The following LHFPL6 variants were observed in gnomAD, a reference collection of about 807,000 sequenced individuals.
The protein encoded by LHFPL6 is LHFPL tetraspan subfamily member 6, also known as LHFPL tetraspan subfamily member 6 protein.
In LHFPL6, 9 loss-of-function variants were observed where a neutral mutation model predicts 20.6. The ratio of observed to expected loss-of-function variants is 0.44; its 90% confidence interval spans 0.26 to 0.76. The LOEUF is 0.76. Among genes scored for constraint, LHFPL6 ranks in the 30% least tolerant of loss-of-function variants. LHFPL6 has a pLI of 0.20. For synonymous variants in LHFPL6, 105 were observed against 98.7 expected (o/e 1.06, Z -0.38); for missense variants, 218 against 253.5 (o/e 0.86, Z 0.95).
At chr13:39,502,366 C>T (rs1308545495) in intron 2 of LHFPL6, among the ~76,000 whole-genome samples, 2 of 152,002 alleles carry the variant, frequency 1.3e-5, no homozygotes, top group African/African-American at 2.4e-5. Context: ...CACCTGTAAT[C>T]GCAGCACTTT....
chr13:39,495,232 A>G (rs1869059531), intron 2 of LHFPL6, among the ~76,000 whole-genome samples: 1 of 152,198 alleles, frequency 6.6e-6, no homozygotes, highest in South Asian at 2.1e-4. Flanking sequence ...TTAACATGAA[A>G]ATATGCCTCA....
At chr13:39,368,461 AG>A (rs1214285276) in intron 3 of LHFPL6, among the ~76,000 whole-genome samples, 1 of 152,218 alleles carries the variant, frequency 6.6e-6, no homozygotes, top group African/African-American at 2.4e-5. Context: ...GCACGCCTGT[AG>A]TCCCAGCAAC....
At chr13:39,583,407 T>C (rs1384900130) in intron 2 of LHFPL6, among the ~76,000 whole-genome samples, 11 of 152,122 alleles carry the variant, frequency 7.2e-5, no homozygotes, top group Non-Finnish European at 1.0e-4. Flanking sequence ...ACTCCTGGGC[T>C]CAAGCAATTC....
chr13:39,541,670 T>G (rs143777013), intron 2 of LHFPL6, among the ~76,000 whole-genome samples: 145 of 152,332 alleles, frequency 9.5e-4, no homozygotes, highest in African/African-American at 3.0e-3. Flanking sequence ...CCCTTTCTTT[T>G]TCTATGTGTC....
chr13:39,437,201 TG>T (rs1180024271), intron 2 of LHFPL6, among the ~76,000 whole-genome samples: 9 of 152,214 alleles, frequency 5.9e-5, no homozygotes, highest in Non-Finnish European at 1.5e-5. Context: ...ATCATTATAA[TG>T]GGTAATGAAT....
intron 2 of LHFPL6, among the ~76,000 whole-genome samples, chr13:39,590,223 G>A (rs748997196): frequency 6.6e-5 from 10 of 152,276 alleles, no homozygotes; most frequent in Non-Finnish European, 1.5e-4. Flanking sequence ...AAGTTCTACA[G>A]ATCAAGGGTC....
intron 2 of LHFPL6, among the ~76,000 whole-genome samples, chr13:39,550,324 G>C (rs575745852): frequency 2.0e-4 from 31 of 152,114 alleles, no homozygotes; most frequent in African/African-American, 7.0e-4. Flanking sequence ...TTATATCTTG[G>C]TTGTGGTGGG....
chr13:39,422,098 GT>G (rs1181085490), intron 2 of LHFPL6, among the ~76,000 whole-genome samples: 1 of 152,092 alleles, frequency 6.6e-6, no homozygotes, highest in African/African-American at 2.4e-5. Context: ...TTATTTCATT[GT>G]ATTGCATTTA....
intron 2 of LHFPL6, among the ~76,000 whole-genome samples, chr13:39,570,659 G>A (rs2138530063): frequency 6.6e-6 from 1 of 152,052 alleles, no homozygotes; most frequent in African/African-American, 2.4e-5. Context: ...ATTACCATTT[G>A]CAGCAACAAT....
chr13:39,441,868 C>T (rs1013736037), intron 2 of LHFPL6, among the ~76,000 whole-genome samples: 9 of 128,248 alleles, frequency 7.0e-5, no homozygotes, highest in African/African-American at 2.4e-4. Context: ...TCACTCTTGT[C>T]GCCTGGACTG....
chr13:39,555,804 A>G (rs1871287113), intron 2 of LHFPL6, among the ~76,000 whole-genome samples: 1 of 152,236 alleles, frequency 6.6e-6, no homozygotes. Flanking sequence ...CCATCCATAC[A>G]TGATATGGTT....
At chr13:39,410,220 C>A (rs1871214737) in intron 2 of LHFPL6, among the ~76,000 whole-genome samples, 1 of 152,180 alleles carries the variant, frequency 6.6e-6, no homozygotes, top group Admixed American at 6.5e-5. Context: ...AACTCTTTCA[C>A]AACAGTTCAA....
At chr13:39,565,367 C>T (rs1424462223) in intron 2 of LHFPL6, among the ~76,000 whole-genome samples, 1 of 152,086 alleles carries the variant, frequency 6.6e-6, no homozygotes, top group African/African-American at 2.4e-5. Flanking sequence ...AAGTTTACTG[C>T]AAATTACATA....
At chr13:39,411,139 G>T (rs892893391) in intron 2 of LHFPL6, among the ~76,000 whole-genome samples, 1 of 152,132 alleles carries the variant, frequency 6.6e-6, no homozygotes, top group African/African-American at 2.4e-5. Context: ...ATTCCTGGGG[G>T]CAGTGAGTTG....
At chr13:39,537,322 T>C (rs1870652197) in intron 2 of LHFPL6, among the ~76,000 whole-genome samples, 1 of 152,144 alleles carries the variant, frequency 6.6e-6, no homozygotes, top group Non-Finnish European at 1.5e-5. Flanking sequence ...CACAAGTTTA[T>C]GAACCAAGGA....
chr13:39,533,209 G>T (rs1368539605), intron 2 of LHFPL6, among the ~76,000 whole-genome samples: 1 of 152,190 alleles, frequency 6.6e-6, no homozygotes, highest in Non-Finnish European at 1.5e-5. Flanking sequence ...CCATATCTGG[G>T]TATGTGGGTA....
At chr13:39,526,167 G>T (rs999382954) in intron 2 of LHFPL6, among the ~76,000 whole-genome samples, 9 of 152,192 alleles carry the variant, frequency 5.9e-5, no homozygotes, top group Admixed American at 5.9e-4. Context: ...TATATTGACT[G>T]ATGTAAGCCC....
chr13:39,467,239 C>A (rs1441831767), intron 2 of LHFPL6, among the ~76,000 whole-genome samples: 1 of 152,172 alleles, frequency 6.6e-6, no homozygotes, highest in Non-Finnish European at 1.5e-5. Flanking sequence ...TCTCCTGAGT[C>A]TGGGTGCCAC....
chr13:39,491,608 G>C (rs1302701658), intron 2 of LHFPL6, among the ~76,000 whole-genome samples: 1 of 152,152 alleles, frequency 6.6e-6, no homozygotes, highest in Non-Finnish European at 1.5e-5. Flanking sequence ...GAGTTCACTT[G>C]GGAAGCCACA....
Sources: gnomAD v4.1 joint callset for allele counts (sites outside exome capture counted in the v4.1 genomes callset) on GRCh38, gnomAD v4.1.1 for gene constraint, MANE v1.5 for transcripts, NCBI Gene and HGNC (gene_info 2026-07-23, HGNC 2026-07-21) for gene names.